HPF1: variants seen among roughly 807,000 people sequenced by gnomAD.
HPF1 encodes histone PARylation factor 1, also known as UPF0609 protein C4orf27.
HPF1 carries 35 observed loss-of-function variants against 38.8 expected under a neutral mutation model. The ratio of observed to expected loss-of-function variants is 0.90; its 90% CI spans 0.69 to 1.19. The LOEUF is 1.19. Ranked by LOEUF, HPF1 falls within the 50% of genes most tolerant of loss-of-function variation. HPF1 has a pLI of 0.00. For missense variants in HPF1, 367 were observed against 405.8 expected, an observed-to-expected ratio of 0.90 and a Z score of 0.82; for synonymous variants, 115 against 139.2, an observed-to-expected ratio of 0.83 and a Z score of 1.22.
intron 4 of HPF1, among the ~76,000 whole-genome samples, chr4:169,746,571 A>G (rs1211754850): frequency 6.6e-6 from 1 of 152,146 alleles, no homozygotes; most frequent in African/African-American, 2.4e-5. Flanking sequence ...TTTAGTTACT[A>G]TTAAATCTTG....
Position 169,750,557 on chromosome 4 carries a change from T to C in HPF1, c.377A>G (p.Gln126Arg), listed in dbSNP as rs558061344. 12 of 1,607,746 alleles carry C rather than the reference T, an allele frequency of 7.5e-6. No individual in the cohort carries two copies. The African/African-American group carries it at 1.5e-4, about 20-fold the overall frequency. ...QTIIIGDNKTQYHMGYFRDSP... is the reference protein window; with the variant it reads ...QTIIIGDNKTRYHMGYFRDSP... ...TTACCTGAAATACCCCATGTGGTAC[T>C]GAGTTTTATTATCTCCAATAATAAT... Residue 126 changes from glutamine (Q) to arginine (R), a missense_variant, in exon 3 of 8, where the codon CAG (glutamine) becomes CGG (arginine). By Grantham distance (43) the Gln-to-Arg change is conservative. Coordinates refer to ENST00000393381, the MANE Select transcript of HPF1 (RefSeq NM_017867.3).
At chr4:169,741,303 G>A (rs1211161268) in intron 5 of HPF1, among the ~76,000 whole-genome samples, 1 of 152,194 alleles carries the variant, frequency 6.6e-6, no homozygotes, top group Non-Finnish European at 1.5e-5. Flanking sequence ...GAGGCTGGAG[G>A]AGACTGGGGA....
Position 169,729,470 on chromosome 4 carries a change from A to G in HPF1, c.*108T>C. 1 of 1,023,882 alleles carries G rather than the reference A, an allele frequency of 9.8e-7. No individual in the cohort carries two copies. 63.4% of individuals were successfully genotyped at this position (1,023,882 alleles called of 1,614,324 possible). On this transcript the variant is annotated 3_prime_UTR_variant, in exon 8 of 8. Coordinates refer to ENST00000393381, the MANE Select transcript of HPF1 (RefSeq NM_017867.3). Reference sequence around the variant, plus strand: ...GAAAACCAGGCAGAAGAACCTTATAAACGTTTTTAGTAAATGTTTATTTTT... The same window carrying G: ...GAAAACCAGGCAGAAGAACCTTATAGACGTTTTTAGTAAATGTTTATTTTT...
chr4:169,751,890 C>T (rs1423686301), intron 2 of HPF1, among the ~76,000 whole-genome samples: 1 of 152,170 alleles, frequency 6.6e-6, no homozygotes, highest in Non-Finnish European at 1.5e-5. Flanking sequence ...TTTCCATACT[C>T]TCCACCCCCA....
At chr4:169,730,261 C>A (rs186363474) in intron 7 of HPF1, among the ~76,000 whole-genome samples, 28 of 152,254 alleles carry the variant, frequency 1.8e-4, no homozygotes, top group African/African-American at 6.3e-4. Flanking sequence ...AACATTTAGC[C>A]CTTAACATGC....
chr4:169,749,802 A>G (rs944149737), intron 3 of HPF1, among the ~76,000 whole-genome samples: 30 of 152,020 alleles, frequency 2.0e-4, no homozygotes, highest in Admixed American at 6.6e-4. Flanking sequence ...ATATAACCAA[A>G]CCTTTTATTT....
rs141660832 is a variant in HPF1, at chr4:169,745,221, C to T, written c.498-3114G>A. On this transcript the variant is annotated intron_variant, in intron 4 of 7. Coordinates refer to ENST00000393381, the MANE Select transcript of HPF1 (RefSeq NM_017867.3). ...CGGAAGAGGCCTCGAGAGGCCGGGCCTAACAGGGTTGGCAGCTGCACTAAA... is the reference window on the plus strand; with the variant it reads ...CGGAAGAGGCCTCGAGAGGCCGGGCTTAACAGGGTTGGCAGCTGCACTAAA... 4.9e-3 allele frequency among the ~76,000 whole-genome samples: 739 copies of T among 152,338 alleles called. 6 individuals carry two copies. The highest frequency in any genetic ancestry group is 0.031 in the Middle Eastern group (9 of 294).
Position 169,731,704 on chromosome 4 carries a change from A to G in HPF1, c.909T>C (p.His303=). The G allele has an allele frequency of 2.0e-6, 3 of 1,536,900 alleles. No homozygotes were observed. The highest frequency in any genetic ancestry group is 2.6e-6 in the Non-Finnish European group (3 of 1,148,772). The change falls in exon 7 of 8, where the codon CAT becomes CAC. Residue 303 remains histidine (H), a splice_region_variant and synonymous_variant. Coordinates refer to ENST00000393381, the MANE Select transcript of HPF1 (RefSeq NM_017867.3). ...LGMDLFCYGS[H]YFHKVAGQLL... ...GAAGGTGGAGGGTTTTTTTACTCAC[A>G]TGTGAGCCATAGCAAAAGAGATCCA...
intron 1 of HPF1, among the ~76,000 whole-genome samples, chr4:169,755,235 T>C (rs995250676): frequency 6.6e-6 from 1 of 151,952 alleles, no homozygotes; most frequent in Non-Finnish European, 1.5e-5. Context: ...AGGAGAACAG[T>C]TGTAAGGTTT....
intron 3 of HPF1, 37 bp from the exon 4 acceptor site, chr4:169,748,879 ATAATT>A: frequency 2.2e-6 from 2 of 903,330 alleles, no homozygotes; most frequent in Non-Finnish European, 3.5e-6. Flanking sequence ...TTAGCTGCCC[ATAATT>A]TATATTATCA....
intron 2 of HPF1, among the ~76,000 whole-genome samples, chr4:169,751,023 G>A (rs1177959390): frequency 6.6e-6 from 1 of 152,112 alleles, no homozygotes; most frequent in African/African-American, 2.4e-5. Flanking sequence ...ATTCCTATAG[G>A]CCCATTACCA....
At chr4:169,746,646 C>T (rs1464376119) in intron 4 of HPF1, among the ~76,000 whole-genome samples, 1 of 151,868 alleles carries the variant, frequency 6.6e-6, no homozygotes, top group African/African-American at 2.4e-5. Flanking sequence ...CCTTGAAAGA[C>T]CTTATTCAGT....
intron 7 of HPF1, among the ~76,000 whole-genome samples, chr4:169,729,917 T>A: frequency 6.6e-6 from 1 of 152,192 alleles, no homozygotes; most frequent in Non-Finnish European, 1.5e-5. Context: ...TAATGGCATA[T>A]CTTGAAAATT....
At chr4:169,755,920 C>T (rs1489549585) in intron 1 of HPF1, among the ~76,000 whole-genome samples, 1 of 152,082 alleles carries the variant, frequency 6.6e-6, no homozygotes, top group African/African-American at 2.4e-5. Flanking sequence ...GTGTTTGTTA[C>T]ATTACTTAAC....
chr4:169,731,661 G>A lies in HPF1; in HGVS notation c.909+43C>T, dbSNP rs764055721. ...GGATGTATGTCGCGGGGAGAGGAGGGAGGTGTGGCAGTGGGTAGAAGGTGG... is the reference window on the plus strand; with the variant it reads ...GGATGTATGTCGCGGGGAGAGGAGGAAGGTGTGGCAGTGGGTAGAAGGTGG... On this transcript the variant is annotated intron_variant, in intron 7 of 7. Coordinates refer to ENST00000393381, the MANE Select transcript of HPF1 (RefSeq NM_017867.3). The A allele has an allele frequency of 4.2e-6, 6 of 1,435,004 alleles. No individual in the cohort carries two copies. The East Asian group carries it at 1.3e-4, about 30-fold the overall frequency. 88.9% of individuals were successfully genotyped at this position (1,435,004 alleles called of 1,614,324 possible). A position where few individuals can be genotyped will look rare whatever the true frequency, so the allele number is the denominator to read the frequency against.
At chr4:169,754,544 A>C (rs1329210766) in intron 1 of HPF1, among the ~76,000 whole-genome samples, 3 of 152,196 alleles carry the variant, frequency 2.0e-5, no homozygotes, top group Non-Finnish European at 4.4e-5. Flanking sequence ...TATAATGCCT[A>C]CTAGATATTT....
chr4:169,737,553 C>T, intron 6 of HPF1, 107 bp downstream of exon 6: 2 of 755,370 alleles, frequency 2.6e-6, no homozygotes, highest in Non-Finnish European at 2.4e-6. Context: ...TAAGGTCTAG[C>T]GACTGTGTCA....
chr4:169,742,132 T>A, intron 4 of HPF1, 25 bp from the exon 5 acceptor site: 1 of 1,603,420 alleles, frequency 6.2e-7, no homozygotes, highest in East Asian at 2.2e-5. Flanking sequence ...AAAGTCCGCA[T>A]TATGTGGCAG....
chr4:169,743,483 T>A (rs1202689933), intron 4 of HPF1, among the ~76,000 whole-genome samples: 1 of 149,146 alleles, frequency 6.7e-6, no homozygotes, highest in South Asian at 2.1e-4. Context: ...GTCGATAGAT[T>A]TTTTTTTTAA....
Sources: gnomAD v4.1 joint callset for allele counts (sites outside exome capture counted in the v4.1 genomes callset) on GRCh38, gnomAD v4.1.1 for gene constraint, MANE v1.5 for transcripts, NCBI Gene and HGNC (gene_info 2026-07-23, HGNC 2026-07-21) for gene names.